The following RIF1 variants were observed in gnomAD, a reference collection of about 807,000 sequenced individuals.
RIF1 encodes telomere-associated protein RIF1.
Under a neutral mutation model 247.1 loss-of-function variants are expected in RIF1, and 45 were observed. That is an observed-to-expected ratio of 0.18 (90% confidence interval 0.14 to 0.23). RIF1 has a LOEUF of 0.23. RIF1 is among the 10% of genes least tolerant of loss of function. The pLI is 1.00. For missense variants in RIF1, 2,967 were observed against 2,862.5 expected, an observed-to-expected ratio of 1.04 and a Z score of -0.83; for synonymous variants, 1,087 against 978.8, an observed-to-expected ratio of 1.11 and a Z score of -2.06.
chr2:151,500,499 C>CTGA (rs1441492896), intron 11 of RIF1, among the ~76,000 whole-genome samples: 3 of 149,850 alleles, frequency 2.0e-5, no homozygotes, highest in East Asian at 2.0e-4. Flanking sequence ...AGCTCATGAT[C>CTGA]TGATTTGTAT....
At chr2:151,455,584 A>G (rs535832508) in intron 22 of RIF1, among the ~76,000 whole-genome samples, 123 of 152,358 alleles carry the variant, frequency 8.1e-4, no homozygotes, top group African/African-American at 2.8e-3. Flanking sequence ...AATTAATAAA[A>G]TGAATGCAAA....
At chr2:151,461,603 A>G (rs944705690) in intron 27 of RIF1, among the ~76,000 whole-genome samples, 1 of 152,034 alleles carries the variant, frequency 6.6e-6, no homozygotes, top group Non-Finnish European at 1.5e-5. Context: ...CATGTTAGCC[A>G]GGATGGTCTT....
In RIF1 at chr2:151,443,696, A is replaced by G. The variant is rs759062630; in HGVS notation, c.1973A>G (p.Glu658Gly). ...AGTGTTATAGTCACCCCATTAACTG[A>G]ATTGATTAATCAGGTATGAAATAAA... ...MWSVIVTPLT[E>G]LINQTNEVNQ... Residue 658 changes from glutamate to glycine, a missense_variant, in exon 18 of 36, where the codon GAA becomes GGA. Coordinates refer to ENST00000444746, the MANE Select transcript of RIF1 (RefSeq NM_018151.5). 2 of 1,572,394 alleles carry G rather than the reference A, an allele frequency of 1.3e-6. No individual in the cohort carries two copies. The highest frequency in any genetic ancestry group is 4.0e-5 in the Admixed American group (2 of 50,336).
intron 27 of RIF1, among the ~76,000 whole-genome samples, chr2:151,461,582 C>T (rs1206652364): frequency 3.3e-5 from 5 of 151,606 alleles, no homozygotes; most frequent in South Asian, 2.1e-4. Flanking sequence ...TTAGTAGAGA[C>T]GGGGTTTCAC....
intron 11 of RIF1, chr2:151,502,940 G>T: frequency 9.3e-7 from 1 of 1,072,756 alleles, no homozygotes; most frequent in Non-Finnish European, 1.4e-6. Flanking sequence ...CAGAGAGTAA[G>T]GAAGGAAGGA....
At chr2:151,418,835 A>G (rs1283784670) in intron 6 of RIF1, among the ~76,000 whole-genome samples, 4 of 152,052 alleles carry the variant, frequency 2.6e-5, no homozygotes, top group African/African-American at 9.7e-5. Flanking sequence ...AGATTGCACC[A>G]CTGCACTCCA....
At chr2:151,469,173 C>T (rs1280197137) in intron 33 of RIF1, among the ~76,000 whole-genome samples, 2 of 152,142 alleles carry the variant, frequency 1.3e-5, no homozygotes, top group East Asian at 3.8e-4. Context: ...TTTCTAATTA[C>T]AAGTTTGTTT....
the RIF1 span, chr2:151,526,301 T>G: frequency 7.5e-7 from 1 of 1,338,232 alleles, no homozygotes; most frequent in Non-Finnish European, 1.1e-6. Flanking sequence ...TTAGCTCTGC[T>G]GGATATCCTA....
the RIF1 span, among the ~76,000 whole-genome samples, chr2:151,522,614 G>A: frequency 2.0e-5 from 3 of 152,092 alleles, no homozygotes; most frequent in Non-Finnish European, 4.4e-5. Flanking sequence ...CAATCTACAC[G>A]TTCCAACACA....
At chr2:151,521,711 C>T in the RIF1 span, among the ~76,000 whole-genome samples, 6 of 152,320 alleles carry the variant, frequency 3.9e-5, no homozygotes, top group Admixed American at 6.5e-5. Flanking sequence ...ATTGATTCCA[C>T]TTCAGTTTCT....
intron 9 of RIF1, among the ~76,000 whole-genome samples, chr2:151,487,768 T>C (rs981317817): frequency 1.3e-5 from 2 of 151,810 alleles, no homozygotes; most frequent in South Asian, 2.1e-4. Flanking sequence ...CATACACACA[T>C]ATATATATAT....
chr2:151,461,127 C>G lies in RIF1; in HGVS notation c.3076-11C>G, dbSNP rs373917179. On this transcript the variant is annotated splice_polypyrimidine_tract_variant and intron_variant, in intron 26 of 35. Coordinates refer to ENST00000444746, the MANE Select transcript of RIF1 (RefSeq NM_018151.5). Reference sequence around the variant, plus strand: ...TAAAATGTACATTTGCTTATTTTTTCAAATCTGCAGCTGAAACTTGAATCT... The same window carrying G: ...TAAAATGTACATTTGCTTATTTTTTGAAATCTGCAGCTGAAACTTGAATCT... 1 of 1,596,226 alleles carries G rather than the reference C, an allele frequency of 6.3e-7. No individual in the cohort carries two copies. Among genetic ancestry groups the G allele is most frequent in the African/African-American group, 1.4e-5 (1 of 73,462 alleles).
At position 151,479,824 on chromosome 2, in the gene RIF1, T is replaced by C. The variant is rs1231353190; in HGVS notation, c.*4753T>C. 1 of 152,180 alleles carries C rather than the reference T, an allele frequency of 6.6e-6. No individual in the cohort carries two copies. Among genetic ancestry groups the C allele is most frequent in the Non-Finnish European group, 1.5e-5 (1 of 68,014 alleles). 9.4% of individuals were successfully genotyped at this position (152,180 alleles called of 1,614,324 possible). A position where few individuals can be genotyped will look rare whatever the true frequency, so the allele number is the denominator to read the frequency against. Reference sequence around the variant, plus strand: ...GAAAATGTAGCCGAAAGTTAAGTAATAGGTTTTAAAAATTTATCAAAATTT... The same window carrying C: ...GAAAATGTAGCCGAAAGTTAAGTAACAGGTTTTAAAAATTTATCAAAATTT... On this transcript the variant is annotated 3_prime_UTR_variant, in exon 36 of 36. Coordinates refer to ENST00000444746, the MANE Select transcript of RIF1 (RefSeq NM_018151.5).
At chr2:151,449,210 G>A (rs1159109375) in intron 20 of RIF1, among the ~76,000 whole-genome samples, 1 of 152,022 alleles carries the variant, frequency 6.6e-6, no homozygotes, top group African/African-American at 2.4e-5. Context: ...TGAATCATGT[G>A]TTTTTGGGAT....
At chr2:151,470,679 A>G (rs1697650830) in intron 34 of RIF1, among the ~76,000 whole-genome samples, 2 of 152,112 alleles carry the variant, frequency 1.3e-5, no homozygotes, top group Non-Finnish European at 2.9e-5. Context: ...CTGAATCAGA[A>G]TTTCTCAGAC....
At chr2:151,468,330 A>G in intron 31 of RIF1, 144 bp from the exon 32 acceptor site, 1 of 818,126 alleles carries the variant, frequency 1.2e-6, no homozygotes, top group Non-Finnish European at 1.9e-6. Context: ...GTAATGATCC[A>G]GCAAGTAATT....
At chr2:151,519,045 T>C in the RIF1 span, 2 of 1,613,230 alleles carry the variant, frequency 1.2e-6, 1 homozygote, top group South Asian at 2.2e-5. Context: ...TTGTGAAGTT[T>C]CTTCAGGTCA....
chr2:151,472,252 G>A (rs2048595953), intron 34 of RIF1, among the ~76,000 whole-genome samples: 1 of 152,164 alleles, frequency 6.6e-6, no homozygotes, highest in South Asian at 2.1e-4. Flanking sequence ...GTTGCTTATT[G>A]GCCCAAGGAG....
chr2:151,526,903 G>A, the RIF1 span: 1 of 1,530,748 alleles, frequency 6.5e-7, no homozygotes. Flanking sequence ...ATCATGGAAG[G>A]AACTAGGTAC....
Sources: allele counts gnomAD v4.1 joint callset (sites outside exome capture counted in the v4.1 genomes callset), GRCh38; gene constraint gnomAD v4.1.1; transcripts MANE v1.5; gene names NCBI Gene and HGNC (gene_info 2026-07-23, HGNC 2026-07-21).